TNPO1: variants seen among roughly 807,000 people sequenced by gnomAD.
TNPO1 encodes transportin 1.
In TNPO1, 8 loss-of-function variants were observed where a neutral mutation model predicts 119.5. That is an observed-to-expected ratio of 0.07 (90% CI 0.04 to 0.12). The LOEUF (loss-of-function observed/expected upper bound fraction) is 0.12, where lower values mean the gene tolerates loss of function less well. TNPO1 is among the 10% of genes least tolerant of loss of function. The pLI, the probability that TNPO1 is intolerant of heterozygous loss-of-function variation, is 1.00. For synonymous variants in TNPO1, 362 were observed against 363.0 expected (o/e 1.00, Z 0.03); for missense variants, 576 against 1,089.8 (o/e 0.53, Z 6.64).
intron 1 of TNPO1, among the ~76,000 whole-genome samples, chr5:72,820,681 C>T (rs913466529): frequency 6.6e-6 from 1 of 152,124 alleles, no homozygotes; most frequent in African/African-American, 2.4e-5. Flanking sequence ...GACTGCAAAG[C>T]TCATCATGCT....
chr5:72,882,187 A>G (rs1031553459), intron 9 of TNPO1, among the ~76,000 whole-genome samples: 3 of 152,202 alleles, frequency 2.0e-5, no homozygotes, highest in Non-Finnish European at 2.9e-5. Flanking sequence ...TTTAATTACT[A>G]CTAATCTTTC....
intron 7 of TNPO1, among the ~76,000 whole-genome samples, chr5:72,875,005 T>C (rs1747658393): frequency 6.6e-6 from 1 of 152,190 alleles, no homozygotes; most frequent in Non-Finnish European, 1.5e-5. Flanking sequence ...TTCTGCTGGT[T>C]ATCAAGTTAC....
rs760597566 is a variant in TNPO1 at position 72,903,679 on chromosome 5, A to T, written c.2515-30A>T. ...TGCTGAGTTTGACAAATACAATATCAACCTAAGATGTATTTCTTGCTTGTT... is the reference window on the plus strand; with the variant it reads ...TGCTGAGTTTGACAAATACAATATCTACCTAAGATGTATTTCTTGCTTGTT... On this transcript the variant is annotated intron_variant, in intron 22 of 24. Coordinates refer to ENST00000337273, the MANE Select transcript of TNPO1 (RefSeq NM_002270.4). The T allele has an allele frequency of 2.0e-6, 3 of 1,482,210 alleles. No individual in the cohort carries two copies. The South Asian group carries it at 3.6e-5, about 18-fold the overall frequency. 91.8% of individuals were successfully genotyped at this position (1,482,210 alleles called of 1,614,324 possible).
chr5:72,829,284 T>C (rs924962205), intron 1 of TNPO1, among the ~76,000 whole-genome samples: 8 of 152,190 alleles, frequency 5.3e-5, no homozygotes, highest in African/African-American at 1.7e-4. Context: ...TTACACAGTT[T>C]TGAGGGTTAG....
intron 8 of TNPO1, among the ~76,000 whole-genome samples, chr5:72,876,839 A>T (rs1747818990): frequency 6.6e-6 from 1 of 152,142 alleles, no homozygotes; most frequent in African/African-American, 2.4e-5. Context: ...TCACACCTGT[A>T]ATCCCAACAC....
intron 1 of TNPO1, chr5:72,848,164 A>G (rs1580385475): frequency 6.8e-6 from 8 of 1,177,234 alleles, no homozygotes; most frequent in South Asian, 5.9e-5. Flanking sequence ...CCGCGGCGGC[A>G]GCAGCAGCAG....
chr5:72,826,298 C>T (rs141418562), intron 1 of TNPO1, among the ~76,000 whole-genome samples: 78 of 152,276 alleles, frequency 5.1e-4, no homozygotes, highest in African/African-American at 1.8e-3. Flanking sequence ...GCTCCATGAG[C>T]TTCTGCCCTG....
intron 1 of TNPO1, among the ~76,000 whole-genome samples, chr5:72,837,563 G>A (rs1744737919): frequency 6.6e-6 from 1 of 152,136 alleles, no homozygotes; most frequent in South Asian, 2.1e-4. Flanking sequence ...TCAAACCATA[G>A]CATCACTTCA....
intron 1 of TNPO1, among the ~76,000 whole-genome samples, chr5:72,833,722 G>T (rs1453760275): frequency 6.6e-6 from 1 of 152,126 alleles, no homozygotes; most frequent in Non-Finnish European, 1.5e-5. Flanking sequence ...TGTCATTTCA[G>T]ATTTCCTTCC....
At chr5:72,895,934 G>T (rs1749396320) in intron 18 of TNPO1, among the ~76,000 whole-genome samples, 2 of 152,080 alleles carry the variant, frequency 1.3e-5, no homozygotes, top group South Asian at 4.2e-4. Flanking sequence ...ACTTAAGTTG[G>T]CTCCCGAGTC....
At chr5:72,878,323 G>GT (rs1052820917) in intron 9 of TNPO1, among the ~76,000 whole-genome samples, 1 of 151,556 alleles carries the variant, frequency 6.6e-6, no homozygotes, top group Non-Finnish European at 1.5e-5. Flanking sequence ...GCATTTTAAT[G>GT]TTTTTTCACA....
chr5:72,858,585 C>G (rs1020332831), intron 4 of TNPO1, among the ~76,000 whole-genome samples: 2 of 152,128 alleles, frequency 1.3e-5, no homozygotes, highest in African/African-American at 4.8e-5. Context: ...TGCCTGTAAT[C>G]CCAGCACTTT....
At chr5:72,843,716 T>A (rs1745012846) in intron 1 of TNPO1, among the ~76,000 whole-genome samples, 1 of 152,180 alleles carries the variant, frequency 6.6e-6, no homozygotes. Flanking sequence ...ACGTCACTAA[T>A]AGCAACATTT....
rs1217249012 is a variant in TNPO1 at position 72,911,370 on chromosome 5, A to G, written c.*2697A>G. 2 of 152,460 alleles carry G rather than the reference A, an allele frequency of 1.3e-5. No homozygotes were observed. Among genetic ancestry groups the G allele is most frequent in the Non-Finnish European group, 2.9e-5 (2 of 67,928 alleles). 9.4% of individuals were successfully genotyped at this position (152,460 alleles called of 1,614,324 possible). A position where few individuals can be genotyped will look rare whatever the true frequency, so the allele number is the denominator to read the frequency against. On this transcript the variant is annotated 3_prime_UTR_variant, in exon 25 of 25. Transcript: ENST00000337273. ...TAATTTGAAAATAGAAAATAAAATTAGGTAAATATGACTGGCAACCTGAAT... is the reference window on the plus strand; with the variant it reads ...TAATTTGAAAATAGAAAATAAAATTGGGTAAATATGACTGGCAACCTGAAT...
rs1286041225 is a variant in TNPO1, at chr5:72,914,214, T to G, written c.*5541T>G. 6.6e-6 allele frequency: 1 copy of G among 152,616 alleles called. No individual in the cohort carries two copies. The highest frequency in any genetic ancestry group is 1.5e-5 in the Non-Finnish European group (1 of 68,014). The allele number at this position is 152,616 out of a possible 1,614,324, so 9.5% of individuals were successfully genotyped here. On this transcript the variant is annotated 3_prime_UTR_variant, in exon 25 of 25. Transcript: ENST00000337273. ...ATTTTAAATAGAATACGGTTTTAAT[T>G]TTTGATAAGCTGCTGAATTTTAAAG...
chr5:72,854,082 T>C (rs1199265725), intron 3 of TNPO1, among the ~76,000 whole-genome samples: 1 of 152,238 alleles, frequency 6.6e-6, no homozygotes, highest in Admixed American at 6.5e-5. Flanking sequence ...GTAAACAAAG[T>C]CATGCCATTT....
In TNPO1 at chr5:72,888,263, A is replaced by G; in HGVS notation, c.1489A>G (p.Ile497Val). ...KPLMTELLKRILDSNKRVQEA... is the reference protein window; with the variant it reads ...KPLMTELLKRVLDSNKRVQEA... ...ATTAATGACAGAATTGCTAAAGCGCATCCTGGACAGCAACAAGAGAGTACA... is the reference window on the plus strand; with the variant it reads ...ATTAATGACAGAATTGCTAAAGCGCGTCCTGGACAGCAACAAGAGAGTACA... The change falls in exon 13 of 25, where the codon ATC (isoleucine) becomes GTC (valine). Residue 497 changes from isoleucine to valine, a missense_variant. Transcript: ENST00000337273. The G allele has an allele frequency of 2.5e-6, 4 of 1,614,170 alleles. No homozygotes were observed. The highest frequency in any genetic ancestry group is 3.4e-6 in the Non-Finnish European group (4 of 1,180,036).
chr5:72,908,945 G>GA lies in TNPO1; in HGVS notation c.*272_*273insA. 3.7e-5 allele frequency: 15 copies of GA among 408,848 alleles called. No individual in the cohort carries two copies. The highest frequency in any genetic ancestry group is 2.4e-4 in the Admixed American group (8 of 33,250). The allele number at this position is 408,848 out of a possible 1,614,324, so 25.3% of individuals were successfully genotyped here. A position where few individuals can be genotyped will look rare whatever the true frequency, so the allele number is the denominator to read the frequency against. ...ACAACTCCGCAGTGGATGTGAAGAA[G>GA]CAAAAAAAAAAAAATCTATTCAGTC... On this transcript the variant is annotated 3_prime_UTR_variant, in exon 25 of 25. Coordinates refer to ENST00000337273, the MANE Select transcript of TNPO1 (RefSeq NM_002270.4).
At chr5:72,845,701 G>A (rs748524071) in intron 1 of TNPO1, among the ~76,000 whole-genome samples, 1 of 152,164 alleles carries the variant, frequency 6.6e-6, no homozygotes, top group Admixed American at 6.5e-5. Flanking sequence ...CAAATTAAAT[G>A]TCCTTAATAC....
Sources: allele counts gnomAD v4.1 joint callset (sites outside exome capture counted in the v4.1 genomes callset), GRCh38; gene constraint gnomAD v4.1.1; transcripts MANE v1.5; gene names NCBI Gene and HGNC (gene_info 2026-07-23, HGNC 2026-07-21).